ERG: variants seen among roughly 807,000 people sequenced by gnomAD.
ERG encodes the protein transcriptional regulator ERG.
A neutral mutation model predicts 55.3 loss-of-function variants in ERG; 9 were observed. That is an observed-to-expected ratio of 0.16 (90% CI 0.10 to 0.28). The LOEUF (loss-of-function observed/expected upper bound fraction) is 0.28, where lower values mean the gene tolerates loss of function less well. Among genes scored for constraint, ERG ranks in the 10% least tolerant of loss-of-function variants. ERG has a pLI of 1.00. For missense variants in ERG, 434 were observed against 631.6 expected, an observed-to-expected ratio of 0.69 and a Z score of 3.35; for synonymous variants, 223 against 237.3, an observed-to-expected ratio of 0.94 and a Z score of 0.55.
In ERG at chr21:38,539,653, A is replaced by G. The variant is rs567308562; in HGVS notation, c.-41+36009T>C. Among the ~76,000 whole-genome samples the G allele has an allele frequency of 2.0e-5, 3 of 152,326 alleles. No individual in the cohort carries two copies. In the South Asian group the frequency reaches 6.2e-4, roughly 32 times the overall value. ...TATTTTTTAAGAGGTCATTTTGAGCATATTCCTTACCATTGAAGCCCCTGC... is the reference window on the plus strand; with the variant it reads ...TATTTTTTAAGAGGTCATTTTGAGCGTATTCCTTACCATTGAAGCCCCTGC... On this transcript the variant is annotated intron_variant, in intron 2 of 8. Transcript: ENST00000398897.
In ERG at chr21:38,382,484, AT is replaced by A; in HGVS notation, c.*918del. On this transcript the variant is annotated 3_prime_UTR_variant, in exon 10 of 10. Transcript: ENST00000288319. ...TTGACAAACAAAGAAAGAGATGCGCATTTTTGTTTCTGAATTCTACTACTTC... is the reference window on the plus strand; with the variant it reads ...TTGACAAACAAAGAAAGAGATGCGCATTTTGTTTCTGAATTCTACTACTTC... 3 of 1,064,354 alleles carry A rather than the reference AT, an allele frequency of 2.8e-6. No individual in the cohort carries two copies. The highest frequency in any genetic ancestry group is 3.4e-6 in the Non-Finnish European group (3 of 878,422). The allele number at this position is 1,064,354 out of a possible 1,614,324, so 65.9% of individuals were successfully genotyped here.
chr21:38,498,514 T>C, upstream of ERG: 1 of 1,433,404 alleles, frequency 7.0e-7, no homozygotes, highest in Non-Finnish European at 9.1e-7. The surrounding 1 kb of genome is among the most constrained non-coding windows in gnomAD (Gnocchi z 4.6). Context: ...AGTCAGCCAA[T>C]GGCAGGAAGA....
intron 2 of ERG, among the ~76,000 whole-genome samples, chr21:38,537,453 T>C (rs950093038): frequency 1.1e-4 from 16 of 151,602 alleles, no homozygotes; most frequent in African/African-American, 3.9e-4. Flanking sequence ...TATATATATA[T>C]ATGTATATAA....
At chr21:38,395,570 T>C (rs1219186046) in intron 6 of ERG, 1 of 191,640 alleles carries the variant, frequency 5.2e-6, no homozygotes, top group East Asian at 8.3e-5. Context: ...TGTTGTTTTA[T>C]CTGTAAGAGA....
At chr21:38,575,839 C>T (rs1203383435) in intron 1 of ERG, 10 of 926,208 alleles carry the variant, frequency 1.1e-5, no homozygotes, top group African/African-American at 1.6e-5. Flanking sequence ...TCACCAATGG[C>T]AAAAGAATCA....
At chr21:38,575,511 A>G (rs2146864590) in intron 2 of ERG, 1 of 611,668 alleles carries the variant, frequency 1.6e-6, no homozygotes, top group South Asian at 2.0e-5. Flanking sequence ...GCTTCTTTTG[A>G]TTTTTCAACC....
Position 38,556,645 on chromosome 21 carries a change from C to A in ERG, c.-41+19017G>T, listed in dbSNP as rs549348826. ...CAATGAAAGGTAGATGGAAGCCTGG[C>A]CTAGGAAACAGGTCTACATGCAATC... On this transcript the variant is annotated intron_variant, in intron 2 of 8. Transcript: ENST00000398897. Among the ~76,000 whole-genome samples, 63 of 152,206 alleles carry A rather than the reference C, an allele frequency of 4.1e-4. 1 individual carries two copies. The highest frequency in any genetic ancestry group is 1.4e-3 in the African/African-American group (59 of 41,518).
At chr21:38,485,453 T>A (rs2048930135) in intron 1 of ERG, among the ~76,000 whole-genome samples, 1 of 146,662 alleles carries the variant, frequency 6.8e-6, no homozygotes, top group Non-Finnish European at 1.5e-5. Flanking sequence ...TTAGTGTAAA[T>A]ATACAGTCTT....
rs2059396119 is a variant in ERG at position 38,498,271 on chromosome 21, C to T, written c.18+92G>A. On this transcript the variant is annotated intron_variant, in intron 1 of 9. Transcript: ENST00000288319. This position sits in a 1 kb window ranked among gnomAD's most constrained non-coding sequence, Gnocchi z 4.6. ...TCTATTGTGGCAGTGGGGGTGTTGCCCAACCCTAACTTATCTGCCTTGATA... is the reference window on the plus strand; with the variant it reads ...TCTATTGTGGCAGTGGGGGTGTTGCTCAACCCTAACTTATCTGCCTTGATA... The T allele has an allele frequency of 4.4e-6, 5 of 1,146,454 alleles. No individual in the cohort carries two copies. The highest frequency in any genetic ancestry group is 6.5e-6 in the Non-Finnish European group (5 of 766,824). 71.0% of individuals were successfully genotyped at this position (1,146,454 alleles called of 1,614,324 possible). A position where few individuals can be genotyped will look rare whatever the true frequency, so the allele number is the denominator to read the frequency against.
At chr21:38,376,376 C>T (rs1310100035), downstream of ERG, among the ~76,000 whole-genome samples, 1 of 152,200 alleles carries the variant, frequency 6.6e-6, no homozygotes, top group Non-Finnish European at 1.5e-5. Flanking sequence ...CGCTCTCTCC[C>T]ACCACTTCCG....
At chr21:38,430,849 G>C (rs1033609267) in intron 2 of ERG, among the ~76,000 whole-genome samples, 3 of 152,314 alleles carry the variant, frequency 2.0e-5, no homozygotes, top group African/African-American at 4.8e-5. Context: ...ACTCCTTGAG[G>C]AGTGTAACCT....
At chr21:38,385,094 T>C (rs146804540) in intron 9 of ERG, among the ~76,000 whole-genome samples, 318 of 152,332 alleles carry the variant, frequency 2.1e-3, no homozygotes, top group Non-Finnish European at 3.7e-3. Flanking sequence ...ATTGAAATCA[T>C]ACAGATACAG....
At chr21:38,643,859 A>ATGT (rs2060440132) in intron 1 of ERG, among the ~76,000 whole-genome samples, 1 of 152,238 alleles carries the variant, frequency 6.6e-6, no homozygotes, top group Non-Finnish European at 1.5e-5. Context: ...CTTGAGCCAT[A>ATGT]TGTTGGCTGG....
chr21:38,589,228 G>A (rs184990717), upstream of ERG, among the ~76,000 whole-genome samples: 54 of 152,250 alleles, frequency 3.5e-4, 1 homozygote, highest in East Asian at 8.5e-3. Context: ...TGGACCCCAC[G>A]TGCGTGACAG....
At position 38,528,737 on chromosome 21, in the gene ERG, C is replaced by T. The variant is rs1342451455; in HGVS notation, c.-41+46925G>A. 2.7e-5 allele frequency among the ~76,000 whole-genome samples: 4 copies of T among 150,878 alleles called. 1 individual carries two copies. Among genetic ancestry groups the T allele is most frequent in the East Asian group, 3.9e-4 (2 of 5,152 alleles). On this transcript the variant is annotated intron_variant, in intron 2 of 8. Coordinates refer to the ERG transcript ENST00000398897. ...TGCTGGGATTACAGGCGTGAGCCACCGCGCCCGGCCCATAGCAAACTTTTG... is the reference window on the plus strand; with the variant it reads ...TGCTGGGATTACAGGCGTGAGCCACTGCGCCCGGCCCATAGCAAACTTTTG...
Position 38,445,267 on chromosome 21 carries a change from G to A in ERG, c.236+137C>T, listed in dbSNP as rs143839516. 1,049 of 672,708 alleles carry A rather than the reference G, an allele frequency of 1.6e-3. 8 individuals are homozygous for A. In the African/African-American group the frequency reaches 0.017, roughly 11 times the overall value. 41.7% of individuals were successfully genotyped at this position (672,708 alleles called of 1,614,324 possible). ...AGTGATTCTCCTGCCTCAGGCTCCC[G>A]AGTAGCTGGGATTACAGGCACAGTG... On this transcript the variant is annotated intron_variant, in intron 2 of 9. Transcript: ENST00000288319.
At chr21:38,600,674 T>C (rs2060159406) in intron 1 of ERG, among the ~76,000 whole-genome samples, 1 of 152,174 alleles carries the variant, frequency 6.6e-6, no homozygotes, top group African/African-American at 2.4e-5. Flanking sequence ...GCTGCAAAAG[T>C]AAGAAATCGT....
intron 1 of ERG, among the ~76,000 whole-genome samples, chr21:38,469,067 T>C (rs1005709496): frequency 2.2e-5 from 3 of 138,180 alleles, no homozygotes; most frequent in African/African-American, 8.2e-5. Context: ...AAAAAAACCA[T>C]AGCCCCCGAG....
chr21:38,608,253 T>C (rs1373249743), intron 1 of ERG, among the ~76,000 whole-genome samples: 1 of 152,138 alleles, frequency 6.6e-6, no homozygotes, highest in Non-Finnish European at 1.5e-5. Flanking sequence ...GAAAAAGATA[T>C]ACCTGATATA....
Sources: allele counts gnomAD v4.1 joint callset (sites outside exome capture counted in the v4.1 genomes callset), GRCh38; gene constraint gnomAD v4.1.1; non-coding constraint Gnocchi (gnomAD v3.1); transcripts MANE v1.5; gene names NCBI Gene and HGNC (gene_info 2026-07-23, HGNC 2026-07-21).